The following ZBTB16 variants were observed in gnomAD, a reference collection of about 807,000 sequenced individuals.
The protein encoded by ZBTB16 is zinc finger and BTB domain containing 16, also known as zinc finger and BTB domain-containing protein 16.
In ZBTB16, 8 loss-of-function variants were observed where a neutral mutation model predicts 56.8. The ratio of observed to expected loss-of-function variants is 0.14; its 90% CI spans 0.08 to 0.25. The LOEUF is 0.25. ZBTB16 is among the 10% of genes least tolerant of loss of function. The pLI is 1.00. For missense variants in ZBTB16, 625 were observed against 903.0 expected, an observed-to-expected ratio of 0.69 and a Z score of 3.95; for synonymous variants, 363 against 368.5, an observed-to-expected ratio of 0.98 and a Z score of 0.17.
intron 2 of ZBTB16, among the ~76,000 whole-genome samples, chr11:114,119,345 T>TGC (rs1941276020): frequency 6.8e-6 from 1 of 147,470 alleles, no homozygotes. Context: ...TGTGTGTGTG[T>TGC]GCGCGCGTGT....
intron 3 of ZBTB16, among the ~76,000 whole-genome samples, chr11:114,181,527 AAGG>A (rs1294006966): frequency 3.3e-5 from 5 of 152,314 alleles, no homozygotes; most frequent in African/African-American, 9.6e-5. Flanking sequence ...TGTGATTGAC[AAGG>A]AGTTTTGTAT....
chr11:114,166,537 T>C (rs1942763061), intron 3 of ZBTB16, among the ~76,000 whole-genome samples: 2 of 152,258 alleles, frequency 1.3e-5, no homozygotes, highest in South Asian at 2.1e-4. Context: ...CATGAAATAC[T>C]CAAATTTGTT....
At position 114,250,658 on chromosome 11, in the gene ZBTB16, AAAC is replaced by A. The variant is rs1944902511; in HGVS notation, c.*105_*107del. ...AAATAAAAAAGGAAAAGAAAAAAAA[AAAC>A]AGAAGGAAAAGGAAACCTGGTAGCT... On this transcript the variant is annotated 3_prime_UTR_variant, in exon 7 of 7. Transcript: ENST00000335953. This position sits in a 1 kb window ranked among gnomAD's most constrained non-coding sequence, Gnocchi z 6.0. 7.5e-7 allele frequency: 1 copy of A among 1,326,798 alleles called. No homozygotes were observed. Among genetic ancestry groups the A allele is most frequent in the African/African-American group, 1.5e-5 (1 of 66,972 alleles). The allele number at this position is 1,326,798 out of a possible 1,614,324, so 82.2% of individuals were successfully genotyped here. A position where few individuals can be genotyped will look rare whatever the true frequency, so the allele number is the denominator to read the frequency against.
At position 114,252,992 on chromosome 11, in the gene ZBTB16, C is replaced by T. The variant is rs904649896; in HGVS notation, c.*2437C>T. ...AGGAAAAGAAGTTAAACTTGAAATA[C>T]GTGACTAGAACAGTTGTCATGTTTA... On this transcript the variant is annotated 3_prime_UTR_variant, in exon 7 of 7. Coordinates refer to ENST00000335953, the MANE Select transcript of ZBTB16 (RefSeq NM_006006.6). Among the ~76,000 whole-genome samples, 3 of 152,108 alleles carry T rather than the reference C, an allele frequency of 2.0e-5. No homozygotes were observed. The highest frequency in any genetic ancestry group is 6.5e-5 in the Admixed American group (1 of 15,276).
At chr11:114,193,541 G>T (rs1246404434) in intron 4 of ZBTB16, among the ~76,000 whole-genome samples, 11 of 152,178 alleles carry the variant, frequency 7.2e-5, no homozygotes, top group Non-Finnish European at 2.9e-5. Context: ...CACTCACAGC[G>T]CTACTTCCTG....
intron 2 of ZBTB16, among the ~76,000 whole-genome samples, chr11:114,136,253 A>T (rs1471800930): frequency 6.6e-6 from 1 of 152,160 alleles, no homozygotes; most frequent in African/African-American, 2.4e-5. Flanking sequence ...GCCTTCAAGT[A>T]CTATCTCGGC....
rs1415672165 is a variant in ZBTB16 at position 114,095,451 on chromosome 11, G to A, written c.1268+30883G>A. ...AATTTTTTGTATATTTAGTAGAGAC[G>A]GGGTTTCACCGTGTTAGCCAGGATG... On this transcript the variant is annotated intron_variant, in intron 2 of 6. Coordinates refer to ENST00000335953, the MANE Select transcript of ZBTB16 (RefSeq NM_006006.6). Among the ~76,000 whole-genome samples, 11 of 151,796 alleles carry A rather than the reference G, an allele frequency of 7.2e-5. No homozygotes were observed. The East Asian group carries it at 1.4e-3, about 19-fold the overall frequency.
At position 114,063,480 on chromosome 11, in the gene ZBTB16, G is replaced by A. The variant is rs1339069894; in HGVS notation, c.180G>A (p.Glu60=). 4 of 1,614,072 alleles carry A rather than the reference G, an allele frequency of 2.5e-6. No individual in the cohort carries two copies. The highest frequency in any genetic ancestry group is 3.4e-6 in the Non-Finnish European group (4 of 1,180,050). Reference sequence around the variant, plus strand: ...TGGCCTGCACCAGCAAGATGTTTGAGATCCTCTTCCACCGCAATAGTCAAC... The same window carrying A: ...TGGCCTGCACCAGCAAGATGTTTGAAATCCTCTTCCACCGCAATAGTCAAC... ...TVLACTSKMF[E]ILFHRNSQHY... is the part of the protein sequence containing the mutation. The change falls in exon 2 of 7, where the codon GAG becomes GAA. Residue 60 remains glutamate, a synonymous_variant. Coordinates refer to ENST00000335953, the MANE Select transcript of ZBTB16 (RefSeq NM_006006.6). This position sits in a 1 kb window ranked among gnomAD's most constrained non-coding sequence, Gnocchi z 6.5.
chr11:114,148,419 CCCTCCCTCTCTCTCTCTT>C (rs1942181565), intron 2 of ZBTB16, among the ~76,000 whole-genome samples: 2 of 16,034 alleles, frequency 1.2e-4, no homozygotes, highest in African/African-American at 5.8e-4. Context: ...CTCCCTCCCT[CCCTCCCTCTCTCTCTCTT>C]TCTCTCTCTC....
chr11:114,197,251 G>C (rs1035444924), intron 4 of ZBTB16, among the ~76,000 whole-genome samples: 2 of 152,180 alleles, frequency 1.3e-5, no homozygotes, highest in Admixed American at 6.5e-5. Context: ...CTCATCCACT[G>C]TGTTGTCGGC....
chr11:114,171,214 C>A (rs1942958496), intron 3 of ZBTB16, among the ~76,000 whole-genome samples: 1 of 152,262 alleles, frequency 6.6e-6, no homozygotes, highest in Admixed American at 6.5e-5. Flanking sequence ...ATGATACTCT[C>A]TGTCTCTAAT....
At chr11:114,079,396 G>A (rs1434980287) in intron 2 of ZBTB16, among the ~76,000 whole-genome samples, 1 of 152,196 alleles carries the variant, frequency 6.6e-6, no homozygotes, top group African/African-American at 2.4e-5. Flanking sequence ...CTGCTAAATT[G>A]ATGATAGTAC....
At chr11:114,127,080 C>A (rs547238880) in intron 2 of ZBTB16, among the ~76,000 whole-genome samples, 1 of 152,142 alleles carries the variant, frequency 6.6e-6, no homozygotes, top group African/African-American at 2.4e-5. Flanking sequence ...CTGGCTCTTG[C>A]AGTTCCCCCT....
chr11:114,235,670 C>CTTTCTTTCTTTCTT (rs1565701613), intron 4 of ZBTB16, among the ~76,000 whole-genome samples: 2 of 26,042 alleles, frequency 7.7e-5, no homozygotes, highest in African/African-American at 1.8e-4. Context: ...TTCTTTCTTT[C>CTTTCTTTCTTTCTT]TTTCTTTCTT....
At chr11:114,228,149 G>A (rs2135164956) in intron 4 of ZBTB16, among the ~76,000 whole-genome samples, 1 of 152,214 alleles carries the variant, frequency 6.6e-6, no homozygotes, top group Non-Finnish European at 1.5e-5. Flanking sequence ...AAATACATAG[G>A]ATTGTCATGG....
At chr11:114,233,571 T>G (rs948980466) in intron 4 of ZBTB16, among the ~76,000 whole-genome samples, 2 of 152,108 alleles carry the variant, frequency 1.3e-5, no homozygotes, top group Non-Finnish European at 2.9e-5. Flanking sequence ...TTAACCCGTT[T>G]ATTCTCTCTC....
intron 2 of ZBTB16, among the ~76,000 whole-genome samples, chr11:114,118,744 A>G (rs1003550395): frequency 2.0e-5 from 3 of 152,210 alleles, no homozygotes; most frequent in African/African-American, 7.2e-5. Flanking sequence ...CTAGGAGAAC[A>G]GGTAAAAGAT....
chr11:114,144,239 C>G (rs1479719528), intron 2 of ZBTB16, among the ~76,000 whole-genome samples: 1 of 151,308 alleles, frequency 6.6e-6, no homozygotes, highest in African/African-American at 2.4e-5. Flanking sequence ...GCATGGACAC[C>G]AATTGTAAAC....
At chr11:114,082,464 G>C (rs1294311796) in intron 2 of ZBTB16, among the ~76,000 whole-genome samples, 1 of 152,190 alleles carries the variant, frequency 6.6e-6, no homozygotes, top group Non-Finnish European at 1.5e-5. Context: ...TTTAACTGCT[G>C]TTTCTTTTTG....
Sources: allele counts gnomAD v4.1 joint callset (sites outside exome capture counted in the v4.1 genomes callset), GRCh38; gene constraint gnomAD v4.1.1; non-coding constraint Gnocchi (gnomAD v3.1); transcripts MANE v1.5; gene names NCBI Gene and HGNC (gene_info 2026-07-23, HGNC 2026-07-21).